The following STPG4 variants were observed in gnomAD, a reference collection of about 807,000 sequenced individuals.
The protein encoded by STPG4 is protein STPG4.
STPG4 carries 41 observed loss-of-function variants against 31.5 expected under a neutral mutation model. That is an observed-to-expected ratio of 1.30 (90% CI 1.01 to 1.69). The LOEUF is 1.69. Among genes scored for constraint, STPG4 ranks in the 40% most tolerant of loss-of-function variants. The pLI, the probability that STPG4 is intolerant of heterozygous loss-of-function variation, is 0.00. For synonymous variants in STPG4, 141 were observed against 103.0 expected (o/e 1.37, Z -2.24); for missense variants, 375 against 293.4 (o/e 1.28, Z -2.03).
At chr2:47,097,641 G>A (rs946954323) in intron 5 of STPG4, among the ~76,000 whole-genome samples, 3 of 152,116 alleles carry the variant, frequency 2.0e-5, no homozygotes, top group Non-Finnish European at 4.4e-5. Flanking sequence ...ATGAGGAAGG[G>A]GCCCTCATCA....
chr2:47,118,931 C>T (rs1183418513), intron 5 of STPG4, among the ~76,000 whole-genome samples: 1 of 152,216 alleles, frequency 6.6e-6, no homozygotes, highest in Non-Finnish European at 1.5e-5. Context: ...ACTTCCATAA[C>T]TATGAAGCTA....
At chr2:47,148,414 C>T (rs774602386) in intron 3 of STPG4, among the ~76,000 whole-genome samples, 38 of 151,646 alleles carry the variant, frequency 2.5e-4, no homozygotes, top group Non-Finnish European at 4.9e-4. Flanking sequence ...ACATGTAGAC[C>T]CTGAATCTAA....
rs575887845 is a variant in STPG4, at chr2:47,099,556, G to C, written c.520-9182C>G. Among the ~76,000 whole-genome samples the C allele has an allele frequency of 2.0e-5, 3 of 152,388 alleles. No homozygotes were observed. In the South Asian group the frequency reaches 6.2e-4, roughly 32 times the overall value. ...AAGGCCATCTTTCTATTTTTGAGAG[G>C]TGACAGCGTGCTGGCAGTCCTCAGA... is the stretch of plus-strand genomic sequence containing the variant. On this transcript the variant is annotated intron_variant, in intron 5 of 6. Coordinates refer to ENST00000445927, the MANE Select transcript of STPG4 (RefSeq NM_001163561.2).
chr2:47,139,077 T>A (rs1558686223), intron 3 of STPG4, among the ~76,000 whole-genome samples: 1 of 152,222 alleles, frequency 6.6e-6, no homozygotes. Flanking sequence ...TGTTTTTGGA[T>A]GAGGCAGTCT....
intron 1 of STPG4, 46 bp downstream of exon 1, chr2:47,155,125 G>A (rs1409406741): frequency 6.3e-7 from 1 of 1,579,032 alleles, no homozygotes; most frequent in South Asian, 1.1e-5. Flanking sequence ...TAGTGGGCCT[G>A]GTGAGGGGAG....
chr2:47,113,906 C>T lies in STPG4; in HGVS notation c.519+16035G>A, dbSNP rs879488900. ...AAAATTAGCCAGGTGTGGTGGCGGG[C>T]GCCTGTAGTCCCAGCTACTAGGGAG... On this transcript the variant is annotated intron_variant, in intron 5 of 6. Coordinates refer to ENST00000445927, the MANE Select transcript of STPG4 (RefSeq NM_001163561.2). Among the ~76,000 whole-genome samples the T allele has an allele frequency of 2.7e-5, 4 of 150,548 alleles. No homozygotes were observed. The East Asian group carries it at 7.9e-4, about 30-fold the overall frequency.
rs1484242795 is a variant in STPG4, at chr2:47,087,035, G to A, written c.720C>T (p.Phe240=). ...AKMGQEHSLF[F]NNNNWLLK is the part of the protein sequence containing the mutation. ...ATTTTAAAAGCCAATTGTTGTTGTT[G>A]AAGAAAAGGCTATGCTCTTGGCCCA... Residue 240 remains phenylalanine (F), a synonymous_variant, in exon 7 of 7, where the codon TTC becomes TTT. Transcript: ENST00000445927. 10 of 1,551,760 alleles carry A rather than the reference G, an allele frequency of 6.4e-6. No homozygotes were observed. Among genetic ancestry groups the A allele is most frequent in the Non-Finnish European group, 8.7e-6 (10 of 1,147,010 alleles).
rs1197708039 is a variant in STPG4 at position 47,151,322 on chromosome 2, A to T, written c.335T>A (p.Val112Glu). ...PDFLDLLKKQ[V>E]ATYSFKDKPR... ...TTTGTCTTTGAATGAGTAAGTAGCCACTTGCTTCTTTAACAGGTCCAGGAA... is the reference window on the plus strand; with the variant it reads ...TTTGTCTTTGAATGAGTAAGTAGCCTCTTGCTTCTTTAACAGGTCCAGGAA... The change falls in exon 3 of 7, where the codon GTG (valine) becomes GAG (glutamate). Residue 112 changes from valine to glutamate, a missense_variant. Val to Glu is a moderately radical substitution (Grantham distance 121). Coordinates refer to ENST00000445927, the MANE Select transcript of STPG4 (RefSeq NM_001163561.2). 1 of 1,614,086 alleles carries T rather than the reference A, an allele frequency of 6.2e-7. No homozygotes were observed. Among genetic ancestry groups the T allele is most frequent in the Admixed American group, 1.7e-5 (1 of 60,012 alleles).
At chr2:47,092,703 G>T (rs1411404980) in intron 5 of STPG4, among the ~76,000 whole-genome samples, 1 of 151,984 alleles carries the variant, frequency 6.6e-6, no homozygotes, top group Non-Finnish European at 1.5e-5. Flanking sequence ...ATAGGGACAT[G>T]TATCTGTAAG....
At chr2:47,119,764 C>G (rs1686229741) in intron 5 of STPG4, among the ~76,000 whole-genome samples, 1 of 152,184 alleles carries the variant, frequency 6.6e-6, no homozygotes, top group African/African-American at 2.4e-5. Flanking sequence ...AACGGGAAGG[C>G]ATTTATTTGC....
intron 6 of STPG4, among the ~76,000 whole-genome samples, chr2:47,088,089 T>G (rs557099655): frequency 8.0e-5 from 12 of 150,360 alleles, no homozygotes; most frequent in South Asian, 2.1e-4. Context: ...TTGTTTTTGG[T>G]TTTTTTTTGA....
At chr2:47,097,617 T>C (rs72877035) in intron 5 of STPG4, among the ~76,000 whole-genome samples, 1,765 of 152,242 alleles carry the variant, frequency 0.012, 37 homozygotes, top group African/African-American at 0.04. Flanking sequence ...CAGATACAGC[T>C]AGAAGCACCA....
intron 5 of STPG4, among the ~76,000 whole-genome samples, chr2:47,123,873 C>G (rs1225830990): frequency 6.6e-6 from 1 of 152,148 alleles, no homozygotes; most frequent in African/African-American, 2.4e-5. Context: ...TACAAGCATA[C>G]AATGTGTAAT....
At chr2:47,138,693 GAA>G (rs1686646963) in intron 3 of STPG4, among the ~76,000 whole-genome samples, 1 of 152,168 alleles carries the variant, frequency 6.6e-6, no homozygotes, top group African/African-American at 2.4e-5. Flanking sequence ...GGGATTACAG[GAA>G]CGTGCCACCA....
chr2:47,151,711 A>C (rs1686940348), intron 2 of STPG4, among the ~76,000 whole-genome samples, 196 bp from the exon 3 acceptor site: 1 of 152,068 alleles, frequency 6.6e-6, no homozygotes, highest in Non-Finnish European at 1.5e-5. Context: ...ATAATTGCTG[A>C]ATTAAAGCAA....
At chr2:47,152,372 T>C (rs1686955961) in intron 2 of STPG4, among the ~76,000 whole-genome samples, 2 of 152,208 alleles carry the variant, frequency 1.3e-5, no homozygotes, top group Non-Finnish European at 2.9e-5. Flanking sequence ...ACTGCTGCTT[T>C]TGTGGCCATC....
At chr2:47,126,262 T>C (rs1284664485) in intron 5 of STPG4, among the ~76,000 whole-genome samples, 1 of 148,608 alleles carries the variant, frequency 6.7e-6, no homozygotes, top group African/African-American at 2.4e-5. Context: ...TTCCTTCCTC[T>C]TCTTTCTCTT....
At chr2:47,095,045 C>T (rs1482280733) in intron 5 of STPG4, among the ~76,000 whole-genome samples, 3 of 152,202 alleles carry the variant, frequency 2.0e-5, no homozygotes, top group Admixed American at 2.0e-4. Flanking sequence ...TCCTAGAGAA[C>T]GTGAGAGTAG....
intron 5 of STPG4, among the ~76,000 whole-genome samples, chr2:47,098,505 T>G (rs952881311): frequency 1.3e-5 from 2 of 152,102 alleles, no homozygotes; most frequent in African/African-American, 4.8e-5. Context: ...TTCTAAGCTG[T>G]TTTTCTTTAA....
Sources: allele counts gnomAD v4.1 joint callset (sites outside exome capture counted in the v4.1 genomes callset), GRCh38; gene constraint gnomAD v4.1.1; transcripts MANE v1.5; gene names NCBI Gene and HGNC (gene_info 2026-07-23, HGNC 2026-07-21).